Variants in SLC9C2 observed in about 807,000 individuals in gnomAD.
The protein encoded by SLC9C2 is solute carrier family 9 member C2 (putative).
A neutral mutation model predicts 140.2 loss-of-function variants in SLC9C2; 75 were observed. The ratio of observed to expected loss-of-function variants is 0.53; its 90% CI spans 0.44 to 0.65. The LOEUF (loss-of-function observed/expected upper bound fraction) is 0.65, where lower values mean the gene tolerates loss of function less well. Ranked by LOEUF, SLC9C2 falls within the 30% of genes least tolerant of loss-of-function variation. SLC9C2 has a pLI of 0.00. For synonymous variants in SLC9C2, 375 were observed against 420.9 expected (o/e 0.89, Z 1.34); for missense variants, 1,074 against 1,331.8 (o/e 0.81, Z 3.01).
chr1:173,533,841 T>C (rs766799487), intron 16 of SLC9C2, 44 bp from the exon 17 acceptor site: 1 of 1,503,960 alleles, frequency 6.6e-7, no homozygotes, highest in Non-Finnish European at 8.9e-7. Context: ...TATACAGTAA[T>C]GTTGGGGGGA....
chr1:173,550,827 G>C (rs10912641), intron 11 of SLC9C2, among the ~76,000 whole-genome samples: 50,354 of 145,270 alleles, frequency 0.35, 10,892 homozygotes, highest in East Asian at 0.64. Context: ...TGGAGGCTGA[G>C]CCCAGGAATT....
rs912523702 is a variant in SLC9C2, at chr1:173,545,536, T to C, written c.1557+2153A>G. Among the ~76,000 whole-genome samples the C allele has an allele frequency of 2.1e-4, 32 of 152,124 alleles. 1 individual carries two copies. Among genetic ancestry groups the C allele is most frequent in the Non-Finnish European group, 5.9e-5 (4 of 68,014 alleles). ...GTTGATCATCACTGAATATTGGGTG[T>C]CTGGGGGGCAGATAACTTTTCTTTT... is the stretch of plus-strand genomic sequence containing the variant. On this transcript the variant is annotated intron_variant, in intron 13 of 27. Coordinates refer to ENST00000367714, the MANE Select transcript of SLC9C2 (RefSeq NM_178527.4).
rs16846001 is a variant in SLC9C2 at position 173,502,345 on chromosome 1, G to A, written c.3371+921C>T. ...GCACCTGGCTGGGAAAAGGCTAAAG[G>A]TCCTTGAAGCCTGTGCTTAGCACCA... is the stretch of plus-strand genomic sequence containing the variant. On this transcript the variant is annotated intron_variant, in intron 27 of 27. Coordinates refer to ENST00000367714, the MANE Select transcript of SLC9C2 (RefSeq NM_178527.4). 6.5e-3 allele frequency among the ~76,000 whole-genome samples: 971 copies of A among 150,348 alleles called. 26 individuals carry two copies. The highest frequency in any genetic ancestry group is 0.042 in the Admixed American group (638 of 15,120).
At chr1:173,525,131 C>T (rs542049919) in intron 19 of SLC9C2, among the ~76,000 whole-genome samples, 1 of 152,302 alleles carries the variant, frequency 6.6e-6, no homozygotes, top group African/African-American at 2.4e-5. Context: ...CTTCCCCCAT[C>T]AGCTAAGAGA....
At chr1:173,573,437 C>T (rs953781560) in intron 8 of SLC9C2, 112 bp from the exon 9 acceptor site, 1 of 759,802 alleles carries the variant, frequency 1.3e-6, no homozygotes, top group Non-Finnish European at 2.0e-6. Flanking sequence ...AGCAGAGGCC[C>T]TTGCCTTCAT....
At chr1:173,533,517 A>G in intron 17 of SLC9C2, 92 bp downstream of exon 17, 1 of 909,460 alleles carries the variant, frequency 1.1e-6, no homozygotes, top group South Asian at 1.8e-5. Context: ...GACTCAAGCA[A>G]TCCACCCACC....
chr1:173,543,926 T>C (rs150825901), intron 13 of SLC9C2, among the ~76,000 whole-genome samples: 53,926 of 152,060 alleles, frequency 0.35, 11,990 homozygotes, highest in East Asian at 0.65. Context: ...TAGGCAATAC[T>C]ATTCAGTACA....
At chr1:173,505,390 C>T in intron 25 of SLC9C2, 59 bp from the exon 26 acceptor site, 1 of 1,275,026 alleles carries the variant, frequency 7.8e-7, no homozygotes, top group Admixed American at 1.8e-5. Context: ...AACCTGGCTG[C>T]TTCCTAATCT....
chr1:173,573,347 T>A, intron 8 of SLC9C2, 22 bp from the exon 9 acceptor site: 19 of 1,319,020 alleles, frequency 1.4e-5, no homozygotes, highest in East Asian at 2.4e-5. Context: ...GAAATAGAAA[T>A]GACATTTTAA....
At chr1:173,529,810 T>C in intron 18 of SLC9C2, 95 bp downstream of exon 18, 1 of 1,370,690 alleles carries the variant, frequency 7.3e-7, no homozygotes, top group Non-Finnish European at 9.9e-7. Flanking sequence ...TGTTGGAATT[T>C]GTCTGTTTCG....
At chr1:173,537,845 G>A (rs1662091040) in intron 13 of SLC9C2, among the ~76,000 whole-genome samples, 1 of 152,070 alleles carries the variant, frequency 6.6e-6, no homozygotes, top group African/African-American at 2.4e-5. Flanking sequence ...AAAAATTATA[G>A]CTTCTACATG....
chr1:173,567,533 C>T (rs1198877406), intron 9 of SLC9C2, among the ~76,000 whole-genome samples: 1 of 151,978 alleles, frequency 6.6e-6, no homozygotes, highest in Non-Finnish European at 1.5e-5. Flanking sequence ...CCTTTATTGT[C>T]AGTCTATATG....
At chr1:173,535,801 T>C (rs766896367) in intron 15 of SLC9C2, 29 bp downstream of exon 15, 5 of 1,468,008 alleles carry the variant, frequency 3.4e-6, no homozygotes, top group Non-Finnish European at 4.6e-6. Flanking sequence ...TTTTCAAGTA[T>C]GTTTCTATTA....
chr1:173,504,377 C>G (rs1003640955), intron 26 of SLC9C2, among the ~76,000 whole-genome samples: 2 of 152,122 alleles, frequency 1.3e-5, no homozygotes, highest in Admixed American at 1.3e-4. Context: ...CAGCACACAG[C>G]GGGGCTGCAT....
chr1:173,557,016 A>G (rs1382403849), intron 10 of SLC9C2, among the ~76,000 whole-genome samples: 1 of 152,100 alleles, frequency 6.6e-6, no homozygotes, highest in Non-Finnish European at 1.5e-5. Context: ...CTGGTATTTT[A>G]TTGAGCATCA....
intron 5 of SLC9C2, among the ~76,000 whole-genome samples, chr1:173,586,143 T>C (rs772092968): frequency 1.3e-5 from 2 of 151,582 alleles, no homozygotes; most frequent in African/African-American, 2.4e-5. Flanking sequence ...AAGAGGTAAA[T>C]ACAAATGGTT....
Position 173,575,138 on chromosome 1 carries a change from A to G in SLC9C2, c.902+1523T>C, listed in dbSNP as rs183372247. 1.3e-3 allele frequency among the ~76,000 whole-genome samples: 195 copies of G among 152,222 alleles called. 2 individuals are homozygous for G. Among genetic ancestry groups the G allele is most frequent in the African/African-American group, 4.4e-3 (183 of 41,504 alleles). ...CTGTCTCAAAAGAAATTTTTTTTCA[A>G]TTCTCTCTACAGGACCTAAAAAATG... is the stretch of plus-strand genomic sequence containing the variant. On this transcript the variant is annotated intron_variant, in intron 8 of 27. Coordinates refer to ENST00000367714, the MANE Select transcript of SLC9C2 (RefSeq NM_178527.4).
At chr1:173,599,362 ATTTTTTTTTTTTTT>A (rs61579339) in intron 3 of SLC9C2, among the ~76,000 whole-genome samples, 1 of 68,082 alleles carries the variant, frequency 1.5e-5, no homozygotes, top group East Asian at 6.0e-4. Flanking sequence ...ATTTTCCTTG[ATTTTTTTTTTTTTT>A]TTTTTTTTTT....
intron 9 of SLC9C2, among the ~76,000 whole-genome samples, chr1:173,561,716 A>T (rs957087708): frequency 5.9e-5 from 9 of 152,174 alleles, no homozygotes; most frequent in African/African-American, 2.2e-4. Flanking sequence ...CTGGTCCCAG[A>T]ACAGGCTTGA....
Sources: gnomAD v4.1 joint callset for allele counts (sites outside exome capture counted in the v4.1 genomes callset) on GRCh38, gnomAD v4.1.1 for gene constraint, MANE v1.5 for transcripts, NCBI Gene and HGNC (gene_info 2026-07-23, HGNC 2026-07-21) for gene names.